The following CTNNBL1 variants were observed in gnomAD, a reference collection of about 807,000 sequenced individuals.
CTNNBL1 encodes beta-catenin-like protein 1.
CTNNBL1 carries 31 observed loss-of-function variants against 72.7 expected under a neutral mutation model. The observed-to-expected ratio is 0.43, with a 90% CI of 0.32 to 0.58. The LOEUF is 0.58. CTNNBL1 is among the 20% of genes least tolerant of loss of function. The pLI is 0.08. For missense variants in CTNNBL1, 534 were observed against 725.1 expected (o/e 0.74, Z 3.03); for synonymous variants, 240 against 267.3 (o/e 0.90, Z 1.00).
At chr20:37,848,568 G>A (rs752307836) in intron 13 of CTNNBL1, among the ~76,000 whole-genome samples, 3 of 152,228 alleles carry the variant, frequency 2.0e-5, no homozygotes, top group Middle Eastern at 3.4e-3. Flanking sequence ...AGAGGACGTC[G>A]TGCTTTTACC....
At chr20:37,783,360 T>A (rs931084622) in intron 10 of CTNNBL1, among the ~76,000 whole-genome samples, 8 of 152,180 alleles carry the variant, frequency 5.3e-5, no homozygotes, top group Non-Finnish European at 8.8e-5. Context: ...TTTGTTTCAT[T>A]TATTTCTGCT....
At chr20:37,843,197 A>C (rs4239666) in intron 13 of CTNNBL1, among the ~76,000 whole-genome samples, 124,157 of 152,154 alleles carry the variant, frequency 0.82, 50,715 homozygotes, top group Middle Eastern at 0.89. Flanking sequence ...CTTCAGTCAC[A>C]TTATAAAATG....
At chr20:37,780,952 A>G (rs1022058005) in intron 10 of CTNNBL1, among the ~76,000 whole-genome samples, 1 of 152,120 alleles carries the variant, frequency 6.6e-6, no homozygotes, top group Non-Finnish European at 1.5e-5. Context: ...TATCTTTAAA[A>G]GGCTTCTGGG....
chr20:37,801,601 A>G (rs1283870151), intron 10 of CTNNBL1, among the ~76,000 whole-genome samples: 1 of 152,198 alleles, frequency 6.6e-6, no homozygotes, highest in Non-Finnish European at 1.5e-5. Flanking sequence ...AAAAATGAGA[A>G]ACTGAGATAT....
At chr20:37,785,192 T>A (rs1028222542) in intron 10 of CTNNBL1, among the ~76,000 whole-genome samples, 1 of 152,204 alleles carries the variant, frequency 6.6e-6, no homozygotes, top group African/African-American at 2.4e-5. Flanking sequence ...TAGGATCCTT[T>A]GTTTATCCTT....
At chr20:37,723,215 A>T (rs1359597141) in intron 1 of CTNNBL1, among the ~76,000 whole-genome samples, 1 of 152,228 alleles carries the variant, frequency 6.6e-6, no homozygotes, top group Non-Finnish European at 1.5e-5. Flanking sequence ...AAGGAATAAT[A>T]ATTTTTTGGT....
At chr20:37,699,517 G>A (rs981111948) in intron 1 of CTNNBL1, among the ~76,000 whole-genome samples, 1 of 152,200 alleles carries the variant, frequency 6.6e-6, no homozygotes, top group Non-Finnish European at 1.5e-5. Flanking sequence ...ACACTCAGAG[G>A]TAGTTTTCCA....
chr20:37,777,809 C>T, intron 9 of CTNNBL1, 97 bp downstream of exon 9: 1 of 1,259,426 alleles, frequency 7.9e-7, no homozygotes, highest in Non-Finnish European at 1.2e-6. Flanking sequence ...AAGCCATGTG[C>T]TGCAAGCCAT....
chr20:37,866,156 G>A (rs1054364178), intron 15 of CTNNBL1, among the ~76,000 whole-genome samples: 15 of 152,202 alleles, frequency 9.9e-5, no homozygotes, highest in South Asian at 2.1e-4. Context: ...TGTAGCCAGC[G>A]GCCTTGACAA....
intron 11 of CTNNBL1, among the ~76,000 whole-genome samples, chr20:37,835,915 A>G (rs534490916): frequency 4.6e-5 from 7 of 152,358 alleles, no homozygotes; most frequent in African/African-American, 1.7e-4. Context: ...CTGAAAATGT[A>G]CACAAGGTAC....
chr20:37,779,392 C>T (rs1233817332), intron 10 of CTNNBL1, 57 bp downstream of exon 10: 7 of 1,580,612 alleles, frequency 4.4e-6, no homozygotes, highest in Non-Finnish European at 6.1e-6. Context: ...TCACTGTTAG[C>T]CTGAATTCAA....
intron 14 of CTNNBL1, 98 bp from the exon 15 acceptor site, chr20:37,860,174 C>A (rs1447449183): frequency 2.0e-6 from 3 of 1,475,586 alleles, no homozygotes; most frequent in Non-Finnish European, 2.8e-6. Context: ...CCTTTTGTTT[C>A]AGGGATGGGG....
chr20:37,758,138 G>A (rs917391887), intron 5 of CTNNBL1, among the ~76,000 whole-genome samples: 1 of 152,198 alleles, frequency 6.6e-6, no homozygotes, highest in African/African-American at 2.4e-5. Flanking sequence ...AATCCCAAGT[G>A]CCAGTGAGAA....
At chr20:37,776,248 G>A (rs764226649) in intron 7 of CTNNBL1, among the ~76,000 whole-genome samples, 1 of 152,192 alleles carries the variant, frequency 6.6e-6, no homozygotes, top group Non-Finnish European at 1.5e-5. Flanking sequence ...TTGACCTCCT[G>A]AAACCCTGTA....
intron 5 of CTNNBL1, among the ~76,000 whole-genome samples, chr20:37,759,168 C>CA (rs1256484000): frequency 6.6e-6 from 1 of 152,080 alleles, no homozygotes; most frequent in Non-Finnish European, 1.5e-5. Context: ...GAATTCAGGG[C>CA]ATTTATTTTT....
chr20:37,820,578 T>C (rs2072097737), intron 11 of CTNNBL1, among the ~76,000 whole-genome samples: 3 of 152,172 alleles, frequency 2.0e-5, no homozygotes, highest in Admixed American at 1.3e-4. Context: ...GATTGGATCT[T>C]GGGGCCAGTT....
chr20:37,727,212 G>T, intron 1 of CTNNBL1: 1 of 244,794 alleles, frequency 4.1e-6, no homozygotes, highest in Non-Finnish European at 6.5e-6. Context: ...TATTGTCTGG[G>T]TACGCAGGGA....
At chr20:37,804,307 A>G (rs1269700204) in intron 11 of CTNNBL1, among the ~76,000 whole-genome samples, 1 of 152,174 alleles carries the variant, frequency 6.6e-6, no homozygotes, top group Non-Finnish European at 1.5e-5. Flanking sequence ...AACTTTTCAG[A>G]CAGTCAACAT....
At chr20:37,709,935 G>T (rs950509271) in intron 1 of CTNNBL1, among the ~76,000 whole-genome samples, 1 of 152,198 alleles carries the variant, frequency 6.6e-6, no homozygotes, top group South Asian at 2.1e-4. Context: ...ATCTATTCCA[G>T]CTTCTTCTTT....
Sources: gnomAD v4.1 joint callset for allele counts (sites outside exome capture counted in the v4.1 genomes callset) on GRCh38, gnomAD v4.1.1 for gene constraint, MANE v1.5 for transcripts, NCBI Gene and HGNC (gene_info 2026-07-23, HGNC 2026-07-21) for gene names.